KEL: variants seen among roughly 807,000 people sequenced by gnomAD.
KEL encodes the protein kell blood group glycoprotein.
Under a neutral mutation model 99.5 loss-of-function variants are expected in KEL, and 96 were observed. The observed-to-expected ratio is 0.97, with a 90% confidence interval of 0.82 to 1.14. The LOEUF (loss-of-function observed/expected upper bound fraction) is 1.14, where lower values mean the gene tolerates loss of function less well. KEL is among the 50% of genes most tolerant of loss of function. KEL has a pLI of 0.00. For synonymous variants in KEL, 355 were observed against 354.8 expected (o/e 1.00, Z -0.01); for missense variants, 926 against 924.2 (o/e 1.00, Z -0.03).
At position 142,958,432 on chromosome 7, in the gene KEL, G is replaced by C. The variant is rs1411265963; in HGVS notation, c.401-4C>G. The C allele has an allele frequency of 6.2e-7, 1 of 1,613,904 alleles. No individual in the cohort carries two copies. The highest frequency in any genetic ancestry group is 1.7e-4 in the Middle Eastern group (1 of 5,856). ...GGGTGCCAGGAATTCTGGACCTCTAGAAAGGAAGCATGGGAGTGAGGACTA... is the reference window on the plus strand; with the variant it reads ...GGGTGCCAGGAATTCTGGACCTCTACAAAGGAAGCATGGGAGTGAGGACTA... On this transcript the variant is annotated splice_region_variant and splice_polypyrimidine_tract_variant and intron_variant, in intron 4 of 18. Coordinates refer to ENST00000355265, the MANE Select transcript of KEL (RefSeq NM_000420.3).
rs971407279 is a variant in KEL at position 142,944,836 on chromosome 7, C to T, written c.1315-95G>A. On this transcript the variant is annotated intron_variant, in intron 11 of 18. Coordinates refer to ENST00000355265, the MANE Select transcript of KEL (RefSeq NM_000420.3). ...TTCTGACCCTTGGAAAAGGGCTTGGCCCCAAGGAGCTGCCTGGGCTGGAGC... is the reference window on the plus strand; with the variant it reads ...TTCTGACCCTTGGAAAAGGGCTTGGTCCCAAGGAGCTGCCTGGGCTGGAGC... 20 of 938,740 alleles carry T rather than the reference C, an allele frequency of 2.1e-5. No individual in the cohort carries two copies. In the South Asian group the frequency reaches 2.5e-4, roughly 12 times the overall value. 58.2% of individuals were successfully genotyped at this position (938,740 alleles called of 1,614,324 possible).
Position 142,943,825 on chromosome 7 carries a change from G to A in KEL, c.1550C>T (p.Ala517Val). Residue 517 changes from alanine (A) to valine (V), a missense_variant, in exon 14 of 19, where the codon GCT (alanine) becomes GTT (valine). Physicochemically the swap from Ala to Val is moderately conservative, Grantham distance 64. Transcript: ENST00000355265. ...SVLSCVRSLR[A>V]RIVQSFLQPH... Reference sequence around the variant, plus strand: ...CTGCAAGAAGCTCTGGACAATTCTAGCTCGGAGGGACCGGACACAGCTCAG... The same window carrying A: ...CTGCAAGAAGCTCTGGACAATTCTAACTCGGAGGGACCGGACACAGCTCAG... 1.2e-6 allele frequency: 2 copies of A among 1,614,200 alleles called. No homozygotes were observed. Among genetic ancestry groups the A allele is most frequent in the Non-Finnish European group, 1.7e-6 (2 of 1,180,040 alleles).
intron 3 of KEL, 36 bp from the exon 4 acceptor site, chr7:142,961,140 C>T (rs568413867): frequency 9.3e-6 from 15 of 1,610,550 alleles, no homozygotes; most frequent in Middle Eastern, 2.1e-4. Context: ...AAAGAAGAGG[C>T]AAAAAGACAA....
In KEL at chr7:142,951,709, T is replaced by C. The variant is rs577654076; in HGVS notation, c.1203+800A>G. On this transcript the variant is annotated intron_variant, in intron 10 of 18. Transcript: ENST00000355265. ...TAAGCAATAACTACATTCCAGTCCC[T>C]GTGAATACATTTATCTTCTCTGAAT... Among the ~76,000 whole-genome samples, 4 of 152,302 alleles carry C rather than the reference T, an allele frequency of 2.6e-5. No homozygotes were observed. The South Asian group carries it at 6.2e-4, about 24-fold the overall frequency.
At position 142,954,469 on chromosome 7, in the gene KEL, G is replaced by T. The variant is rs1796776390; in HGVS notation, c.731C>A (p.Ala244Asp). 5.0e-6 allele frequency: 8 copies of T among 1,613,834 alleles called. No individual in the cohort carries two copies. Among genetic ancestry groups the T allele is most frequent in the Non-Finnish European group, 6.8e-6 (8 of 1,179,724 alleles). The change falls in exon 7 of 19, where the codon GCC becomes GAC. Residue 244 changes from alanine to aspartate, a missense_variant. Transcript: ENST00000355265. ...TTTGTCCATGTGCCATCTTACCTGG[G>T]CATAGATCTTCTGTTCTTGATCTTG... ...LKQDQEQKIY[A>D]QIFREYLTYL...
At chr7:142,952,890 G>T (rs896669350) in intron 9 of KEL, among the ~76,000 whole-genome samples, 3 of 152,178 alleles carry the variant, frequency 2.0e-5, no homozygotes, top group East Asian at 3.9e-4. Flanking sequence ...AAAGTTCTGG[G>T]CTAGATGGAG....
intron 10 of KEL, among the ~76,000 whole-genome samples, chr7:142,951,170 G>A (rs894325354): frequency 6.6e-6 from 1 of 152,188 alleles, no homozygotes; most frequent in Non-Finnish European, 1.5e-5. Flanking sequence ...ACAATTATGT[G>A]CCCTAGTGGA....
At chr7:142,951,566 T>C (rs1231377594) in intron 10 of KEL, among the ~76,000 whole-genome samples, 2 of 152,176 alleles carry the variant, frequency 1.3e-5, no homozygotes, top group Admixed American at 1.3e-4. Context: ...TGTCTCCTCC[T>C]CTTTAAAATA....
chr7:142,941,228 G>A lies in KEL; in HGVS notation c.*24C>T, dbSNP rs146579903. ...GGGAGGTGTTGGTCGATATTTCTGT[G>A]CTGTGGCATCTTTGGTAACCAAGTT... On this transcript the variant is annotated 3_prime_UTR_variant, in exon 19 of 19. Transcript: ENST00000355265. The A allele has an allele frequency of 8.5e-5, 137 of 1,613,096 alleles. No homozygotes were observed. In the East Asian group the frequency reaches 2.9e-3, roughly 34 times the overall value.
Position 142,943,345 on chromosome 7 carries a change from T to G in KEL, c.1704-2A>C. The G allele has an allele frequency of 6.2e-7, 1 of 1,614,104 alleles. No homozygotes were observed. The highest frequency in any genetic ancestry group is 1.7e-5 in the Admixed American group (1 of 60,008). On this transcript the variant is annotated splice_acceptor_variant, in intron 15 of 18. Coordinates refer to ENST00000355265, the MANE Select transcript of KEL (RefSeq NM_000420.3). LOFTEE classifies it high-confidence loss of function. Reference sequence around the variant, plus strand: ...CCAGCAGCGCCAAAGTTCACGGCTCTAGGGAGACAAGGGCTTATTTGACCC... The same window carrying G: ...CCAGCAGCGCCAAAGTTCACGGCTCGAGGGAGACAAGGGCTTATTTGACCC...
At chr7:142,950,870 G>C (rs918008262) in intron 10 of KEL, among the ~76,000 whole-genome samples, 2 of 152,180 alleles carry the variant, frequency 1.3e-5, no homozygotes, top group Non-Finnish European at 2.9e-5. Flanking sequence ...CTGTTTTGGA[G>C]TCTGTTCACT....
intron 6 of KEL, 56 bp from the exon 7 acceptor site, chr7:142,954,583 G>C: frequency 1.4e-6 from 2 of 1,476,308 alleles, no homozygotes; most frequent in Non-Finnish European, 1.9e-6. Flanking sequence ...GAGAGGGCAG[G>C]TGTGGGGAGG....
chr7:142,951,805 GA>G (rs892664127), intron 10 of KEL, among the ~76,000 whole-genome samples: 9 of 151,810 alleles, frequency 5.9e-5, no homozygotes, highest in East Asian at 1.9e-4. Flanking sequence ...AAATTACTAA[GA>G]AAAAAAATCC....
chr7:142,957,370 T>A (rs1796851488), intron 6 of KEL, among the ~76,000 whole-genome samples: 1 of 152,036 alleles, frequency 6.6e-6, no homozygotes, highest in Non-Finnish European at 1.5e-5. Context: ...AGGGGTCAGA[T>A]CACAAGGTGC....
intron 6 of KEL, 118 bp from the exon 7 acceptor site, chr7:142,954,645 C>T: frequency 2.3e-6 from 2 of 886,724 alleles, no homozygotes; most frequent in Non-Finnish European, 3.8e-6. Flanking sequence ...AAAGATTGGA[C>T]AGAAGAGAAG....
rs61729050 is a variant in KEL at position 142,944,337 on chromosome 7, G to A, written c.1477C>T (p.Gln493Ter). 5 of 1,613,718 alleles carry A rather than the reference G, an allele frequency of 3.1e-6. No individual in the cohort carries two copies. Among genetic ancestry groups the A allele is most frequent in the South Asian group, 1.1e-5 (1 of 91,086 alleles). Residue 493 changes from glutamine (Q) to a stop codon, truncating the protein, a stop_gained, in exon 13 of 19, where the codon CAA becomes TAA. Coordinates refer to ENST00000355265, the MANE Select transcript of KEL (RefSeq NM_000420.3). LOFTEE classifies it high-confidence loss of function. ...CAGGGACCCACATCGTTGTATTCTT[G>A]TCGGGCCAGCTCTGGCTTCAGGGCC... is the stretch of plus-strand genomic sequence containing the variant. ...EWALKPELAR[Q>*]EYNDIQLGSS...
intron 4 of KEL, among the ~76,000 whole-genome samples, chr7:142,960,158 C>T (rs899835335): frequency 2.6e-5 from 4 of 152,196 alleles, no homozygotes; most frequent in Non-Finnish European, 5.9e-5. Flanking sequence ...TAACTCAGCT[C>T]TCCTCTTCTT....
In KEL at chr7:142,962,348, C is replaced by G. The variant is rs1169679495; in HGVS notation, c.-142G>C. 2 of 954,790 alleles carry G rather than the reference C, an allele frequency of 2.1e-6. No homozygotes were observed. Among genetic ancestry groups the G allele is most frequent in the African/African-American group, 3.2e-5 (2 of 61,920 alleles). The allele number at this position is 954,790 out of a possible 1,614,324, so 59.1% of individuals were successfully genotyped here. ...CTTCTGCTGCTCTTTCGCCTTGTCC[C>G]CAGACACACAGGACTGGCCTCTGGG... On this transcript the variant is annotated 5_prime_UTR_variant, in exon 1 of 19. Coordinates refer to ENST00000355265, the MANE Select transcript of KEL (RefSeq NM_000420.3).
chr7:142,944,349 CTGGCTTCA>C lies in KEL; in HGVS notation c.1457_1464del (p.Leu486ArgfsTer30). ...TCGTTGTATTCTTGTCGGGCCAGCT[CTGGCTTCA>C]GGGCCCATTCTGAAGCCCCCATCTC... On this transcript the variant is annotated frameshift_variant, in exon 13 of 19. Coordinates refer to ENST00000355265, the MANE Select transcript of KEL (RefSeq NM_000420.3). LOFTEE classifies it high-confidence loss of function. The C allele has an allele frequency of 6.2e-7, 1 of 1,614,156 alleles. No individual in the cohort carries two copies. Among genetic ancestry groups the C allele is most frequent in the South Asian group, 1.1e-5 (1 of 91,090 alleles).
Sources: allele counts gnomAD v4.1 joint callset (sites outside exome capture counted in the v4.1 genomes callset), GRCh38; gene constraint gnomAD v4.1.1; transcripts MANE v1.5; gene names NCBI Gene and HGNC (gene_info 2026-07-23, HGNC 2026-07-21).